CSMD1: variants seen among roughly 807,000 people sequenced by gnomAD.
CSMD1 encodes CUB and Sushi multiple domains 1, also known as CUB and sushi domain-containing protein 1.
CSMD1 carries 213 observed loss-of-function variants against 417.5 expected under a neutral mutation model. That is an observed-to-expected ratio of 0.51 (90% CI 0.46 to 0.57). The LOEUF is 0.57. Ranked by LOEUF, CSMD1 falls within the 20% of genes least tolerant of loss-of-function variation. CSMD1 has a pLI of 0.00. For missense variants in CSMD1, 6,923 were observed against 4,529.7 expected, an observed-to-expected ratio of 1.53 and a Z score of -15.17; for synonymous variants, 2,862 against 1,736.8, an observed-to-expected ratio of 1.65 and a Z score of -16.11.
chr8:3,601,608 G>A (rs909643108), intron 8 of CSMD1, among the ~76,000 whole-genome samples: 4 of 152,164 alleles, frequency 2.6e-5, no homozygotes, highest in Admixed American at 1.3e-4. Context: ...ATAAGATGCT[G>A]CAAAATTTTC....
At chr8:4,686,295 C>G (rs759256326) in intron 1 of CSMD1, among the ~76,000 whole-genome samples, 4 of 152,154 alleles carry the variant, frequency 2.6e-5, no homozygotes, top group Non-Finnish European at 5.9e-5. Context: ...CCCATTAAAA[C>G]GAACATATAT....
At chr8:4,850,034 G>A (rs529988131) in intron 1 of CSMD1, among the ~76,000 whole-genome samples, 11 of 152,218 alleles carry the variant, frequency 7.2e-5, no homozygotes, top group South Asian at 6.2e-4. Flanking sequence ...TCTGTGTTAC[G>A]TACGTACTAT....
rs560826519 is a variant in CSMD1, at chr8:4,134,381, G to A, written c.416-102282C>T. ...TTTTATTCTTATATGAAGAAATCGG[G>A]ACACAGAAAGGCACAAAGGGATGAC... is the stretch of plus-strand genomic sequence containing the variant. On this transcript the variant is annotated intron_variant, in intron 3 of 69. Transcript: ENST00000635120. Among the ~76,000 whole-genome samples the A allele has an allele frequency of 6.6e-5, 10 of 152,238 alleles. No individual in the cohort carries two copies. The South Asian group carries it at 1.2e-3, about 19-fold the overall frequency.
intron 3 of CSMD1, among the ~76,000 whole-genome samples, chr8:4,250,580 A>G (rs1802999733): frequency 6.6e-6 from 1 of 151,992 alleles, no homozygotes; most frequent in Admixed American, 6.5e-5. Context: ...CTTTTAATAA[A>G]CTCATGTACG....
intron 3 of CSMD1, among the ~76,000 whole-genome samples, chr8:4,033,091 T>C (rs185369808): frequency 6.8e-6 from 1 of 146,368 alleles, no homozygotes; most frequent in Non-Finnish European, 1.5e-5. Flanking sequence ...TTCCATGTCT[T>C]TAGACAATAA....
chr8:3,644,644 G>C (rs1797483033), intron 7 of CSMD1, among the ~76,000 whole-genome samples: 1 of 152,160 alleles, frequency 6.6e-6, no homozygotes. Context: ...ATTACCTTCA[G>C]TAAAGAGGGC....
intron 7 of CSMD1, among the ~76,000 whole-genome samples, chr8:3,695,415 C>T (rs1302691124): frequency 2.0e-5 from 3 of 151,624 alleles, no homozygotes; most frequent in Admixed American, 6.6e-5. Flanking sequence ...TTATTAGGTA[C>T]ACTCCAATTA....
chr8:3,120,748 G>A (rs909847444), intron 41 of CSMD1, among the ~76,000 whole-genome samples: 6 of 152,098 alleles, frequency 3.9e-5, no homozygotes, highest in Admixed American at 1.3e-4. Flanking sequence ...TTGGGAGGCT[G>A]AGGCAGAAGA....
intron 50 of CSMD1, among the ~76,000 whole-genome samples, chr8:3,040,669 G>C (rs993737111): frequency 6.6e-6 from 1 of 151,860 alleles, no homozygotes; most frequent in Non-Finnish European, 1.5e-5. Context: ...CGGGCATGGC[G>C]GCGTGTGCCT....
At chr8:3,999,535 G>A (rs749695423) in intron 4 of CSMD1, among the ~76,000 whole-genome samples, 2 of 152,106 alleles carry the variant, frequency 1.3e-5, no homozygotes, top group Non-Finnish European at 2.9e-5. Flanking sequence ...GGGTGATATA[G>A]GTCCCTTCAA....
intron 3 of CSMD1, among the ~76,000 whole-genome samples, chr8:4,168,643 T>C (rs1018799838): frequency 6.6e-6 from 1 of 152,128 alleles, no homozygotes; most frequent in Non-Finnish European, 1.5e-5. Context: ...CATCATGTTT[T>C]CTACTCTGGA....
intron 1 of CSMD1, among the ~76,000 whole-genome samples, chr8:4,939,020 GT>G (rs1215330409): frequency 6.6e-6 from 1 of 152,106 alleles, no homozygotes; most frequent in African/African-American, 2.4e-5. Flanking sequence ...TCATAGGAAT[GT>G]TTTCTACGTG....
rs1168491986 is a variant in CSMD1 at position 2,992,360 on chromosome 8, G to A, written c.8377+5651C>T. On this transcript the variant is annotated intron_variant, in intron 54 of 69. Transcript: ENST00000635120. ...GATGGTTGCACAACATGGTCATGGC[G>A]AAAGCGCCCCTGAACTGCACACTTT... Among the ~76,000 whole-genome samples, 8 of 152,222 alleles carry A rather than the reference G, an allele frequency of 5.3e-5. No individual in the cohort carries two copies. In the East Asian group the frequency reaches 9.7e-4, roughly 18 times the overall value.
intron 8 of CSMD1, among the ~76,000 whole-genome samples, chr8:3,602,995 T>C (rs1295840830): frequency 6.6e-6 from 1 of 152,152 alleles, no homozygotes; most frequent in Non-Finnish European, 1.5e-5. Context: ...GAAAAGACTG[T>C]GTAAGAGAGA....
At chr8:4,688,659 A>G (rs1348177764) in intron 1 of CSMD1, among the ~76,000 whole-genome samples, 1 of 152,186 alleles carries the variant, frequency 6.6e-6, no homozygotes, top group African/African-American at 2.4e-5. Flanking sequence ...TTACCTAAGA[A>G]CAATGCTTCC....
intron 7 of CSMD1, among the ~76,000 whole-genome samples, chr8:3,671,557 GATCATATATATATATATATATATATA>G (rs1446594292): frequency 0.24 from 1,275 of 5,366 alleles, 128 homozygotes; most frequent in African/African-American, 0.39. Flanking sequence ...TCATATATAT[GATCATATATATATATATATATATATA>G]TATATATATA....
chr8:3,654,542 G>T (rs940321012), intron 7 of CSMD1, among the ~76,000 whole-genome samples: 8 of 152,142 alleles, frequency 5.3e-5, no homozygotes, highest in Non-Finnish European at 1.2e-4. Flanking sequence ...ATAAGAAATT[G>T]TCATGATTAT....
chr8:2,946,504 T>A (rs183464970), intron 68 of CSMD1, among the ~76,000 whole-genome samples: 298 of 152,356 alleles, frequency 2.0e-3, no homozygotes, highest in African/African-American at 6.9e-3. Flanking sequence ...GGCCTTTTTT[T>A]ATCTGGCTTC....
At position 4,056,078 on chromosome 8, in the gene CSMD1, C is replaced by CTG. The variant is rs761105914; in HGVS notation, c.416-23980_416-23979insCA. ...TCTCTGTTTGGATATTGGTGGCTTC[C>CTG]TTTTTTTTTTTTTTTTTTTTTGAGA... On this transcript the variant is annotated intron_variant, in intron 3 of 69. Coordinates refer to ENST00000635120, the MANE Select transcript of CSMD1 (RefSeq NM_033225.6). Among the ~76,000 whole-genome samples the CTG allele has an allele frequency of 1.3e-3, 126 of 97,848 alleles. 1 individual carries two copies. The highest frequency in any genetic ancestry group is 4.9e-3 in the African/African-American group (125 of 25,542). The allele number at this position is 97,848 out of a possible 152,430, so 64.2% of individuals were successfully genotyped here. A position where few individuals can be genotyped will look rare whatever the true frequency, so the allele number is the denominator to read the frequency against.
Sources: gnomAD v4.1 joint callset for allele counts (sites outside exome capture counted in the v4.1 genomes callset) on GRCh38, gnomAD v4.1.1 for gene constraint, MANE v1.5 for transcripts, NCBI Gene and HGNC (gene_info 2026-07-23, HGNC 2026-07-21) for gene names.